BCOR: variants seen among roughly 807,000 people sequenced by gnomAD.
BCOR encodes BCL6 corepressor.
BCOR carries 10 observed loss-of-function variants against 86.7 expected under a neutral mutation model. That is an observed-to-expected ratio of 0.12 (90% CI 0.07 to 0.20). The LOEUF is 0.20. Ranked by LOEUF, BCOR falls within the 10% of genes least tolerant of loss-of-function variation. The pLI, the probability that BCOR is intolerant of heterozygous loss-of-function variation, is 1.00. For missense variants in BCOR, 1,259 were observed against 1,452.1 expected (o/e 0.87, Z 2.16); for synonymous variants, 611 against 609.0 (o/e 1.00, Z -0.05).
rs191577946 is a variant in BCOR, at chrX:40,120,354, T to A, written c.-40-42385A>T. ...TCTTCCTCCCCTTAAAACTGCTTCT[T>A]CTCCCTGGTCCCCACCAACCACCTG... On this transcript the variant is annotated intron_variant, in intron 1 of 14. Transcript: ENST00000342274. Among the ~76,000 whole-genome samples the A allele has an allele frequency of 1.0e-3, 112 of 111,415 alleles. 1 individual carries two copies. Among genetic ancestry groups the A allele is most frequent in the Admixed American group, 7.8e-3 (82 of 10,481 alleles).
rs1475911218 is a variant in BCOR at position 40,152,541 on chromosome X, C to A, written c.-41+24466G>T. Among the ~76,000 whole-genome samples the A allele has an allele frequency of 4.4e-5, 5 of 113,116 alleles. No individual in the cohort carries two copies. The South Asian group carries it at 1.8e-3, about 40-fold the overall frequency. On this transcript the variant is annotated intron_variant, in intron 1 of 14. Transcript: ENST00000342274. ...GCAGCACAGGCACACTGTAAACAGCCGCGTGCACGCCCTCCCCGCCCGGGC... is the reference window on the plus strand; with the variant it reads ...GCAGCACAGGCACACTGTAAACAGCAGCGTGCACGCCCTCCCCGCCCGGGC...
chrX:40,065,262 A>C (rs1043056992), intron 6 of BCOR, among the ~76,000 whole-genome samples: 10 of 112,526 alleles, frequency 8.9e-5, no homozygotes, highest in African/African-American at 3.2e-4. Context: ...GGGGCGTGGC[A>C]AAGCCAAAGG....
chrX:40,156,911 G>A (rs1057005852), intron 1 of BCOR, among the ~76,000 whole-genome samples: 4 of 113,865 alleles, frequency 3.5e-5, no homozygotes, highest in Admixed American at 1.8e-4. Flanking sequence ...TGCCGTTTAA[G>A]GTTACCGCGC....
At chrX:40,139,413 ATAATATATATAC>A (rs1937786871) in intron 1 of BCOR, among the ~76,000 whole-genome samples, 3 of 13,989 alleles carry the variant, frequency 2.1e-4, no homozygotes, top group African/African-American at 6.9e-4. Context: ...ATATATATAT[ATAATATATATAC>A]ATATATATAT....
At chrX:40,125,288 C>T (rs751043442) in intron 1 of BCOR, among the ~76,000 whole-genome samples, 1 of 111,736 alleles carries the variant, frequency 8.9e-6, no homozygotes, top group South Asian at 3.8e-4. Flanking sequence ...GGCTGGAGTG[C>T]AGTGGCGAGA....
chrX:40,062,205 C>T lies in BCOR; in HGVS notation c.4362G>A (p.Arg1454=), dbSNP rs1934913740. The change falls in exon 10 of 15, where the codon CGG becomes CGA. Residue 1454 remains arginine, a synonymous_variant. Transcript: ENST00000378444. ...TQSRPMPPEA[R]RLIVNKNAGE... is the part of the protein sequence containing the mutation. Reference sequence around the variant, plus strand: ...CAGCGTTCTTATTGACAATAAGTCTCCGTGCTTCCGGCGGCATAGGGCGAG... The same window carrying T: ...CAGCGTTCTTATTGACAATAAGTCTTCGTGCTTCCGGCGGCATAGGGCGAG... 1.7e-6 allele frequency: 2 copies of T among 1,209,225 alleles called. No homozygotes were observed. The highest frequency in any genetic ancestry group is 2.2e-6 in the Non-Finnish European group (2 of 894,428).
chrX:40,098,482 G>C (rs1402504716), upstream of BCOR, among the ~76,000 whole-genome samples: 2 of 111,549 alleles, frequency 1.8e-5, no homozygotes, highest in Non-Finnish European at 3.8e-5. Context: ...GGGGCGGCGG[G>C]GGCGGCTCTC....
At chrX:40,152,786 G>A (rs1938196316) in intron 1 of BCOR, among the ~76,000 whole-genome samples, 1 of 112,746 alleles carries the variant, frequency 8.9e-6, no homozygotes, top group African/African-American at 3.2e-5. Context: ...GGAAAACAAG[G>A]GAAGCATTAG....
intron 1 of BCOR, among the ~76,000 whole-genome samples, chrX:40,085,282 A>G (rs1268419620): frequency 8.9e-6 from 1 of 112,445 alleles, no homozygotes; most frequent in African/African-American, 3.2e-5. Context: ...GTCCCTCCTC[A>G]CATGCACAAG....
intron 1 of BCOR, among the ~76,000 whole-genome samples, chrX:40,167,922 G>A (rs1252364672): frequency 8.8e-6 from 1 of 113,015 alleles, no homozygotes; most frequent in Non-Finnish European, 1.9e-5. Flanking sequence ...GCCGGGCCGC[G>A]AGGCCTCCTA....
chrX:40,058,098 G>C (rs1334094247), intron 10 of BCOR, among the ~76,000 whole-genome samples: 1 of 112,153 alleles, frequency 8.9e-6, no homozygotes, highest in Non-Finnish European at 1.9e-5. Flanking sequence ...CACAACCTAC[G>C]CATTTCAAGA....
chrX:40,140,577 C>T (rs1016078100), intron 1 of BCOR, among the ~76,000 whole-genome samples: 2 of 112,819 alleles, frequency 1.8e-5, no homozygotes, highest in Non-Finnish European at 3.7e-5. Flanking sequence ...TTTTCAGCTC[C>T]ATGGGGCTTA....
intron 1 of BCOR, among the ~76,000 whole-genome samples, chrX:40,078,486 C>T (rs766172376): frequency 2.2e-3 from 241 of 111,663 alleles, no homozygotes; most frequent in Non-Finnish European, 4.0e-3. Context: ...AAACTACCTG[C>T]GTTTCTAGGG....
chrX:40,096,730 T>G lies in BCOR; in HGVS notation c.-41+485A>C, dbSNP rs919939805. 2.9e-5 allele frequency among the ~76,000 whole-genome samples: 3 copies of G among 103,624 alleles called. No homozygotes were observed. In the Admixed American group the frequency reaches 3.0e-4, roughly 11 times the overall value. The allele number at this position is 103,624 out of a possible 115,157, so 90.0% of individuals were successfully genotyped here. ...AGGCGGCGGTGGCGGCGGCTGGGGG[T>G]TTTTACAGTTCTTTCCCGAGTCGAA... On this transcript the variant is annotated intron_variant, in intron 1 of 14. Transcript: ENST00000378444.
intron 1 of BCOR, among the ~76,000 whole-genome samples, chrX:40,146,157 T>A (rs1267895232): frequency 2.7e-5 from 3 of 111,575 alleles, no homozygotes; most frequent in African/African-American, 9.7e-5. Flanking sequence ...AGAGACTTTT[T>A]AAATATTTAC....
intron 1 of BCOR, among the ~76,000 whole-genome samples, chrX:40,130,010 C>T (rs1451497952): frequency 3.6e-5 from 4 of 110,798 alleles, no homozygotes; most frequent in African/African-American, 6.6e-5. Context: ...GGCAACAGAG[C>T]GAGACTCCAT....
intron 1 of BCOR, among the ~76,000 whole-genome samples, chrX:40,078,830 C>T (rs1281814037): frequency 9.1e-6 from 1 of 109,373 alleles, no homozygotes; most frequent in African/African-American, 3.3e-5. Flanking sequence ...ACCCACCCCC[C>T]TTTACCTCCT....
intron 1 of BCOR, among the ~76,000 whole-genome samples, chrX:40,106,933 C>T (rs984881257): frequency 2.7e-5 from 3 of 110,394 alleles, no homozygotes; most frequent in Non-Finnish European, 5.7e-5. Flanking sequence ...CCCAGTGCTC[C>T]AGGAAGGTCT....
At chrX:40,175,866 G>A (rs953671871) in intron 1 of BCOR, among the ~76,000 whole-genome samples, 1 of 112,928 alleles carries the variant, frequency 8.9e-6, no homozygotes, top group African/African-American at 3.2e-5. Context: ...ACTGTTCCGC[G>A]CCTTCCCCGC....
Sources: allele counts gnomAD v4.1 joint callset (sites outside exome capture counted in the v4.1 genomes callset), GRCh38; gene constraint gnomAD v4.1.1; transcripts MANE v1.5; gene names NCBI Gene and HGNC (gene_info 2026-07-23, HGNC 2026-07-21).